The following SLC8A1 variants were observed in gnomAD, a reference collection of about 807,000 sequenced individuals.
SLC8A1 encodes solute carrier family 8 member A1.
SLC8A1 carries 18 observed loss-of-function variants against 68.3 expected under a neutral mutation model. The ratio of observed to expected loss-of-function variants is 0.26; its 90% CI spans 0.18 to 0.39. SLC8A1 has a LOEUF of 0.39. Ranked by LOEUF, SLC8A1 falls within the 10% of genes least tolerant of loss-of-function variation. SLC8A1 has a pLI of 1.00. For synonymous variants in SLC8A1, 475 were observed against 415.5 expected (o/e 1.14, Z -1.74); for missense variants, 985 against 1,156.7 (o/e 0.85, Z 2.15).
At chr2:40,277,810 A>ATATGTG (rs1276967770) in intron 2 of SLC8A1, among the ~76,000 whole-genome samples, 1 of 109,998 alleles carries the variant, frequency 9.1e-6, no homozygotes, top group Non-Finnish European at 2.0e-5. Flanking sequence ...ATATATATAT[A>ATATGTG]TATATATATA....
intron 2 of SLC8A1, among the ~76,000 whole-genome samples, chr2:40,397,906 A>G (rs975629386): frequency 9.2e-5 from 14 of 152,270 alleles, no homozygotes; most frequent in African/African-American, 3.4e-4. Flanking sequence ...TAAATTTATC[A>G]TGGTTGGGTA....
intron 7 of SLC8A1, among the ~76,000 whole-genome samples, chr2:40,129,822 C>T (rs749240661): frequency 2.0e-5 from 3 of 152,134 alleles, no homozygotes; most frequent in Non-Finnish European, 2.9e-5. Context: ...TGTAAGAAGG[C>T]CTAGATAGAA....
chr2:40,279,868 G>A (rs2067260944), intron 2 of SLC8A1, among the ~76,000 whole-genome samples: 1 of 152,144 alleles, frequency 6.6e-6, no homozygotes, highest in Non-Finnish European at 1.5e-5. Flanking sequence ...GTATGCATTT[G>A]TTATTTAGTC....
At chr2:40,312,142 T>C (rs772497986) in intron 2 of SLC8A1, among the ~76,000 whole-genome samples, 1 of 152,164 alleles carries the variant, frequency 6.6e-6, no homozygotes, top group Non-Finnish European at 1.5e-5. Context: ...AAGTCATCTC[T>C]GTCTTGTTGC....
intron 2 of SLC8A1, among the ~76,000 whole-genome samples, chr2:40,202,978 A>G (rs760016794): frequency 3.7e-4 from 56 of 151,992 alleles, no homozygotes; most frequent in Non-Finnish European, 5.9e-4. Flanking sequence ...GCCACAAGAA[A>G]TGACAGACTA....
At chr2:40,306,671 G>C (rs914831162) in intron 2 of SLC8A1, among the ~76,000 whole-genome samples, 3 of 152,086 alleles carry the variant, frequency 2.0e-5, no homozygotes, top group African/African-American at 7.2e-5. Context: ...CCCAAATAAT[G>C]GCAAATCTTT....
intron 2 of SLC8A1, among the ~76,000 whole-genome samples, chr2:40,427,671 T>C (rs1334182786): frequency 6.6e-6 from 1 of 152,142 alleles, no homozygotes; most frequent in Non-Finnish European, 1.5e-5. Context: ...TATTACTACA[T>C]GAGCACAGTG....
At position 40,395,106 on chromosome 2, in the gene SLC8A1, A is replaced by G. The variant is rs181345587; in HGVS notation, c.1808+33367T>C. Among the ~76,000 whole-genome samples the G allele has an allele frequency of 3.9e-5, 6 of 152,304 alleles. No individual in the cohort carries two copies. The East Asian group carries it at 7.7e-4, about 20-fold the overall frequency. On this transcript the variant is annotated intron_variant, in intron 2 of 7. Transcript: ENST00000406785. Reference sequence around the variant, plus strand: ...TAACTAGACAGTGCTCTTTAAGACAAAAGTTTACCTTAATCTACTTACTTC... The same window carrying G: ...TAACTAGACAGTGCTCTTTAAGACAGAAGTTTACCTTAATCTACTTACTTC...
At chr2:40,175,154 G>T in intron 3 of SLC8A1, 107 bp downstream of exon 4, 5 of 1,148,900 alleles carry the variant, frequency 4.4e-6, no homozygotes, top group Non-Finnish European at 6.4e-6. Flanking sequence ...CAACAATCTT[G>T]CTAGCAAGTC....
At chr2:40,288,860 T>C (rs1054286031) in intron 2 of SLC8A1, among the ~76,000 whole-genome samples, 1 of 130,538 alleles carries the variant, frequency 7.7e-6, no homozygotes, top group Non-Finnish European at 1.5e-5. Flanking sequence ...TATGTATATA[T>C]ATGATTTTTT....
intron 2 of SLC8A1, among the ~76,000 whole-genome samples, chr2:40,218,727 G>GAA (rs55920991): frequency 1.2e-3 from 183 of 148,252 alleles, no homozygotes; most frequent in Non-Finnish European, 1.8e-3. Context: ...TCTTCTGGGG[G>GAA]AAAAAAAAAA....
intron 2 of SLC8A1, among the ~76,000 whole-genome samples, chr2:40,234,818 G>C (rs2060153172): frequency 6.6e-6 from 1 of 152,110 alleles, no homozygotes; most frequent in South Asian, 2.1e-4. Context: ...AAGGGTTGTT[G>C]AATTTTGTCA....
intron 1 of SLC8A1, among the ~76,000 whole-genome samples, chr2:40,487,269 C>G (rs1197558690): frequency 1.3e-5 from 2 of 152,054 alleles, no homozygotes. Flanking sequence ...CCATACTTTG[C>G]TGATTTACTA....
intron 2 of SLC8A1, among the ~76,000 whole-genome samples, chr2:40,302,434 C>G (rs2071671828): frequency 7.7e-6 from 1 of 129,498 alleles, no homozygotes; most frequent in Non-Finnish European, 1.6e-5. Context: ...GGGTAGTATT[C>G]CATTGTGTGT....
intron 1 of SLC8A1, among the ~76,000 whole-genome samples, chr2:40,511,656 TC>T (rs1706734163): frequency 6.6e-6 from 1 of 152,070 alleles, no homozygotes; most frequent in Non-Finnish European, 1.5e-5. Flanking sequence ...TGGAAACATT[TC>T]CTCTCAAGTT....
At chr2:40,139,699 C>G (rs765065610) in intron 6 of SLC8A1, 23 bp from the exon 10 acceptor site, 39 of 1,603,540 alleles carry the variant, frequency 2.4e-5, no homozygotes, top group Admixed American at 3.4e-5. Flanking sequence ...GAAGGAAGCA[C>G]ATTTCATCAC....
chr2:40,425,425 T>C (rs1696604008), intron 2 of SLC8A1, among the ~76,000 whole-genome samples: 1 of 151,934 alleles, frequency 6.6e-6, no homozygotes, highest in South Asian at 2.1e-4. Context: ...TTCTCCATCC[T>C]TGATCAGATT....
intron 2 of SLC8A1, among the ~76,000 whole-genome samples, chr2:40,210,291 C>T (rs1184417099): frequency 2.6e-5 from 4 of 152,094 alleles, no homozygotes; most frequent in Admixed American, 2.6e-4. Context: ...GAAACAAGAG[C>T]TTTATTAACA....
intron 3 of SLC8A1, among the ~76,000 whole-genome samples, chr2:40,176,539 T>C (rs1016044420): frequency 1.4e-4 from 22 of 152,154 alleles, no homozygotes; most frequent in African/African-American, 5.3e-4. Flanking sequence ...TTCATTAAAA[T>C]AGGCCTTGAG....
Sources: allele counts gnomAD v4.1 joint callset (sites outside exome capture counted in the v4.1 genomes callset), GRCh38; gene constraint gnomAD v4.1.1; transcripts MANE v1.5; gene names NCBI Gene and HGNC (gene_info 2026-07-23, HGNC 2026-07-21).